Variants in NUDC observed in about 807,000 individuals in gnomAD.
NUDC encodes the protein nuclear migration protein nudC.
A neutral mutation model predicts 45.0 loss-of-function variants in NUDC; 14 were observed. That is an observed-to-expected ratio of 0.31 (90% CI 0.21 to 0.49). The LOEUF is 0.49. Ranked by LOEUF, NUDC falls within the 20% of genes least tolerant of loss-of-function variation. The pLI is 0.99. For missense variants in NUDC, 323 were observed against 426.2 expected, an observed-to-expected ratio of 0.76 and a Z score of 2.13; for synonymous variants, 153 against 156.7, an observed-to-expected ratio of 0.98 and a Z score of 0.17.
At chr1:26,923,957 C>T in intron 1 of NUDC, 132 bp from the exon 2 acceptor site, 3 of 775,072 alleles carry the variant, frequency 3.9e-6, no homozygotes, top group African/African-American at 1.7e-5. Context: ...GAGATAATCT[C>T]CTCAGTTGGG....
chr1:26,920,769 C>CA (rs1252407257), upstream of NUDC, among the ~76,000 whole-genome samples: 2 of 137,622 alleles, frequency 1.5e-5, no homozygotes, highest in Non-Finnish European at 3.2e-5. Flanking sequence ...AAACAAAAAA[C>CA]AAAAAACAAA....
chr1:26,922,320 G>A (rs146277688), intron 1 of NUDC: 365 of 311,554 alleles, frequency 1.2e-3, no homozygotes, highest in African/African-American at 7.3e-3. Context: ...GTAGGGGAGC[G>A]GGCTGATGTT....
At chr1:26,944,194 C>G (rs1186273478) in intron 6 of NUDC, among the ~76,000 whole-genome samples, 1 of 151,666 alleles carries the variant, frequency 6.6e-6, no homozygotes, top group African/African-American at 2.4e-5. Flanking sequence ...ATGCCCAGCC[C>G]TTTCCCTGCC....
chr1:26,921,324 G>C (rs1557670336), upstream of NUDC, among the ~76,000 whole-genome samples: 1 of 152,206 alleles, frequency 6.6e-6, no homozygotes, highest in Non-Finnish European at 1.5e-5. Context: ...CCCTAGTCAA[G>C]TACGCAGTGA....
At chr1:26,935,609 C>T (rs1489470000) in intron 2 of NUDC, among the ~76,000 whole-genome samples, 1 of 151,942 alleles carries the variant, frequency 6.6e-6, no homozygotes, top group Non-Finnish European at 1.5e-5. Flanking sequence ...TTACCCCCCA[C>T]CAGGTCCTTC....
At chr1:26,945,508 A>C (rs2082311012) in intron 7 of NUDC, 35 bp downstream of exon 7, 1 of 1,611,856 alleles carries the variant, frequency 6.2e-7, no homozygotes, top group African/African-American at 1.3e-5. Flanking sequence ...CTTCAGCAGG[A>C]AGGTGAGGGG....
upstream of NUDC, among the ~76,000 whole-genome samples, chr1:26,918,695 C>T (rs2082074583): frequency 6.6e-6 from 1 of 151,996 alleles, no homozygotes; most frequent in Admixed American, 6.6e-5. Flanking sequence ...CTGCCTCGGC[C>T]TCCCAAGTAG....
intron 2 of NUDC, among the ~76,000 whole-genome samples, chr1:26,931,117 G>T (rs1045226685): frequency 6.6e-6 from 1 of 151,870 alleles, no homozygotes; most frequent in African/African-American, 2.4e-5. Flanking sequence ...TCGCTCTGTT[G>T]CCCAGCCTGG....
chr1:26,921,577 A>T (rs983230880), upstream of NUDC: 12 of 564,734 alleles, frequency 2.1e-5, no homozygotes, highest in African/African-American at 2.1e-4. Flanking sequence ...GGCTCCGCCT[A>T]CCGCTTCGTG....
intron 3 of NUDC, chr1:26,912,157 A>G (rs1192286419): frequency 3.1e-6 from 5 of 1,589,618 alleles, no homozygotes; most frequent in African/African-American, 2.7e-5. Flanking sequence ...AGACTGGCCC[A>G]AGATCTGGGC....
chr1:26,921,674 G>A (rs1163217555), upstream of NUDC: 8 of 671,036 alleles, frequency 1.2e-5, no homozygotes, highest in African/African-American at 5.4e-5. Flanking sequence ...CAAACCGGGA[G>A]GAAGGCGGGA....
intron 4 of NUDC, 64 bp downstream of exon 4, chr1:26,941,882 C>A: frequency 6.8e-7 from 1 of 1,479,964 alleles, no homozygotes; most frequent in Non-Finnish European, 9.4e-7. Context: ...AATCTCCTGC[C>A]TACTGCTTTC....
chr1:26,922,173 C>G, intron 1 of NUDC: 1 of 578,004 alleles, frequency 1.7e-6, no homozygotes, highest in South Asian at 2.0e-5. Context: ...CTTAGGATCC[C>G]CCTTTAGTTT....
intron 2 of NUDC, among the ~76,000 whole-genome samples, chr1:26,936,564 T>C (rs1049929548): frequency 9.9e-5 from 15 of 151,722 alleles, no homozygotes; most frequent in African/African-American, 3.6e-4. Flanking sequence ...GTGGTCTAAA[T>C]CCTGACCTCA....
At chr1:26,917,764 T>C (rs1270849359), upstream of NUDC, among the ~76,000 whole-genome samples, 1 of 151,788 alleles carries the variant, frequency 6.6e-6, no homozygotes, top group African/African-American at 2.4e-5. Context: ...TGCATACCTG[T>C]AATCCCAGCT....
intron 6 of NUDC, among the ~76,000 whole-genome samples, chr1:26,943,505 A>T (rs1038938121): frequency 1.3e-5 from 2 of 152,160 alleles, no homozygotes; most frequent in Non-Finnish European, 2.9e-5. Flanking sequence ...GGCTTGAGTC[A>T]GGAAAAGAGC....
chr1:26,900,457 T>C, intron 1 of NUDC: 1 of 1,602,574 alleles, frequency 6.2e-7, no homozygotes, highest in Middle Eastern at 2.0e-4. Context: ...GATTGTCACA[T>C]GATCAGCTAG....
Position 26,903,879 on chromosome 1 carries a change from C to T in NUDC, c.-16+1513C>T, listed in dbSNP as rs558092695. Among the ~76,000 whole-genome samples the T allele has an allele frequency of 1.9e-4, 28 of 151,280 alleles. 1 individual carries two copies. The East Asian group carries it at 2.9e-3, about 16-fold the overall frequency. On this transcript the variant is annotated intron_variant, in intron 2 of 6. Transcript: ENST00000435827. ...CAAAAAAATTAGCTGGGCGTGGTGG[C>T]GGGCACCTGTAGTCCCAGCTACTCG... is the stretch of plus-strand genomic sequence containing the variant.
chr1:26,911,586 C>A (rs934990812), intron 3 of NUDC: 5 of 516,582 alleles, frequency 9.7e-6, no homozygotes, highest in Admixed American at 9.6e-5. Context: ...AGCTTTCATT[C>A]TCATCCCAAG....
Sources: allele counts gnomAD v4.1 joint callset (sites outside exome capture counted in the v4.1 genomes callset), GRCh38; gene constraint gnomAD v4.1.1; transcripts MANE v1.5; gene names NCBI Gene and HGNC (gene_info 2026-07-23, HGNC 2026-07-21).